PSD3: variants seen among roughly 807,000 people sequenced by gnomAD.
PSD3 encodes pleckstrin and Sec7 domain containing 3, also known as PH and SEC7 domain-containing protein 3.
Under a neutral mutation model 105.5 loss-of-function variants are expected in PSD3, and 49 were observed. The observed-to-expected ratio is 0.46, with a 90% CI of 0.37 to 0.59. The LOEUF is 0.59. Ranked by LOEUF, PSD3 falls within the 20% of genes least tolerant of loss-of-function variation. The probability of loss-of-function intolerance (pLI) is 0.00; values close to 1 mark genes in which losing one functional copy is unlikely to be tolerated. For synonymous variants in PSD3, 557 were observed against 457.8 expected (o/e 1.22, Z -2.77); for missense variants, 1,561 against 1,263.8 (o/e 1.24, Z -3.57).
chr8:18,615,255 A>G (rs1805573072), intron 11 of PSD3, among the ~76,000 whole-genome samples: 2 of 151,946 alleles, frequency 1.3e-5, no homozygotes. Flanking sequence ...ACTCATTCCA[A>G]TTACCCCCAA....
intron 2 of PSD3, among the ~76,000 whole-genome samples, chr8:18,895,089 CAG>C (rs1254021382): frequency 8.5e-5 from 13 of 152,172 alleles, no homozygotes; most frequent in African/African-American, 2.9e-4. Context: ...GCACTGAGGA[CAG>C]AGTCTCACTT....
chr8:18,777,942 T>C (rs188140679), intron 8 of PSD3, among the ~76,000 whole-genome samples: 5 of 152,312 alleles, frequency 3.3e-5, no homozygotes, highest in Admixed American at 3.3e-4. Context: ...TATAATGAAA[T>C]GTAATTTTAT....
chr8:18,542,307 C>A (rs1465394543), intron 15 of PSD3, among the ~76,000 whole-genome samples: 1 of 152,184 alleles, frequency 6.6e-6, no homozygotes, highest in Non-Finnish European at 1.5e-5. Flanking sequence ...ATCATTCTCA[C>A]ATGAAATTGA....
At chr8:18,858,429 C>T (rs573925040) in intron 4 of PSD3, among the ~76,000 whole-genome samples, 1 of 152,242 alleles carries the variant, frequency 6.6e-6, no homozygotes, top group African/African-American at 2.4e-5. Flanking sequence ...CAGAAGGTTG[C>T]GGTGGCTGTG....
chr8:18,600,447 A>G lies in PSD3; in HGVS notation c.2411-13T>C, dbSNP rs2932001. 1,381,906 of 1,554,072 alleles carry G rather than the reference A, an allele frequency of 0.89. 616,354 individuals are homozygous for G. The highest frequency in any genetic ancestry group is 0.96 in the South Asian group (80,759 of 84,218). Reference sequence around the variant, plus strand: ...TTTCCTCTTGGAGCTAGAAAGGGGGAAAAAATGTAAAATTTTATTTGACAT... The same window carrying G: ...TTTCCTCTTGGAGCTAGAAAGGGGGGAAAAATGTAAAATTTTATTTGACAT... On this transcript the variant is annotated splice_polypyrimidine_tract_variant and intron_variant, in intron 11 of 15. Transcript: ENST00000327040.
At chr8:18,647,194 T>G (rs1201555363) in intron 10 of PSD3, among the ~76,000 whole-genome samples, 2 of 152,210 alleles carry the variant, frequency 1.3e-5, no homozygotes, top group Non-Finnish European at 2.9e-5. Context: ...AGTCATGACT[T>G]AAATTTGCAA....
rs1020292405 is a variant in PSD3, at chr8:18,804,796, G to A, written c.1737C>T (p.Ser579=). The A allele has an allele frequency of 6.2e-7, 1 of 1,614,080 alleles. No homozygotes were observed. Among genetic ancestry groups the A allele is most frequent in the East Asian group, 2.2e-5 (1 of 44,884 alleles). The part of the protein sequence containing the change: ...ETPENLSNGT[S]SNVEAAKRLA... ...ACCTTTTGGCTGCTTCCACATTGCT[G>A]CTGGTACCATTACTGAGATTTTCTG... Residue 579 remains serine (S), a synonymous_variant, in exon 5 of 16, where the codon AGC becomes AGT. Transcript: ENST00000327040.
At chr8:18,982,669 G>A (rs1447874757) in intron 1 of PSD3, among the ~76,000 whole-genome samples, 1 of 152,230 alleles carries the variant, frequency 6.6e-6, no homozygotes, top group Non-Finnish European at 1.5e-5. Flanking sequence ...GTGACTAGGT[G>A]CATGGCTGAA....
Position 18,557,518 on chromosome 8 carries a change from C to T in PSD3, c.2785-1166G>A, listed in dbSNP as rs577267618. On this transcript the variant is annotated intron_variant, in intron 14 of 15. Transcript: ENST00000327040. ...AAAAGCCAAACAACAAAAACAAAAT[C>T]CAAGTCAAAAACCATCAAAACAGAA... 9 of 154,136 alleles carry T rather than the reference C, an allele frequency of 5.8e-5. No individual in the cohort carries two copies. The South Asian group carries it at 1.8e-3, about 31-fold the overall frequency. The allele number at this position is 154,136 out of a possible 1,614,324, so 9.5% of individuals were successfully genotyped here.
intron 1 of PSD3, among the ~76,000 whole-genome samples, chr8:19,039,419 T>C (rs777805460): frequency 2.6e-5 from 4 of 152,198 alleles, no homozygotes; most frequent in Non-Finnish European, 5.9e-5. Context: ...TCATCTTCCA[T>C]TAACTACTTT....
chr8:18,576,763 G>C (rs1002734297), intron 12 of PSD3, among the ~76,000 whole-genome samples: 1 of 152,052 alleles, frequency 6.6e-6, no homozygotes. Context: ...CTGGAATGAG[G>C]AGAAATGATG....
intron 1 of PSD3, among the ~76,000 whole-genome samples, chr8:19,019,670 A>G (rs1827298937): frequency 2.0e-5 from 3 of 152,196 alleles, no homozygotes; most frequent in Admixed American, 1.3e-4. Context: ...AAAATTTGCC[A>G]CTACCCAATG....
chr8:19,015,140 C>G (rs1169524955), upstream of PSD3, among the ~76,000 whole-genome samples: 2 of 152,100 alleles, frequency 1.3e-5, no homozygotes, highest in Non-Finnish European at 2.9e-5. Context: ...GGGGGCGGGT[C>G]TTTCCTGGGC....
At chr8:18,760,078 A>ATTTT (rs2129442349) in intron 9 of PSD3, among the ~76,000 whole-genome samples, 2 of 151,876 alleles carry the variant, frequency 1.3e-5, no homozygotes, top group South Asian at 4.1e-4. Flanking sequence ...GGATCAAGAC[A>ATTTT]CTGCATTTTG....
intron 4 of PSD3, among the ~76,000 whole-genome samples, chr8:18,842,377 A>C (rs1814697931): frequency 6.6e-6 from 1 of 152,372 alleles, no homozygotes; most frequent in East Asian, 1.9e-4. Flanking sequence ...TTACATGGGA[A>C]AAACAATTTT....
At chr8:18,714,178 A>G (rs1802430695) in intron 9 of PSD3, among the ~76,000 whole-genome samples, 1 of 152,168 alleles carries the variant, frequency 6.6e-6, no homozygotes, top group South Asian at 2.1e-4. Context: ...TGGAAAAACT[A>G]GAAGAAAATC....
chr8:19,044,996 C>G (rs1828260826), intron 1 of PSD3, among the ~76,000 whole-genome samples: 1 of 152,078 alleles, frequency 6.6e-6, no homozygotes, highest in African/African-American at 2.4e-5. Context: ...ACCAGCCAGT[C>G]CAACATCGTG....
chr8:18,689,487 A>T (rs186008552), intron 9 of PSD3, among the ~76,000 whole-genome samples: 1 of 152,150 alleles, frequency 6.6e-6, no homozygotes, highest in African/African-American at 2.4e-5. Flanking sequence ...ATAAATACCA[A>T]TTGTCTAGAG....
At chr8:18,970,928 G>A (rs1445594265) in intron 1 of PSD3, among the ~76,000 whole-genome samples, 13 of 147,784 alleles carry the variant, frequency 8.8e-5, no homozygotes, top group South Asian at 2.2e-4. Flanking sequence ...ACAGTGAGCC[G>A]AGATCACACC....
Sources: allele counts gnomAD v4.1 joint callset (sites outside exome capture counted in the v4.1 genomes callset), GRCh38; gene constraint gnomAD v4.1.1; transcripts MANE v1.5; gene names NCBI Gene and HGNC (gene_info 2026-07-23, HGNC 2026-07-21).